The following KATNIP variants were observed in gnomAD, a reference collection of about 807,000 sequenced individuals.
The protein encoded by KATNIP is katanin-interacting protein.
Under a neutral mutation model 174.0 loss-of-function variants are expected in KATNIP, and 126 were observed. The observed-to-expected ratio is 0.72, with a 90% CI of 0.63 to 0.84. KATNIP has a LOEUF of 0.84. Ranked by LOEUF, KATNIP falls within the 40% of genes least tolerant of loss-of-function variation. KATNIP has a pLI of 0.00. For synonymous variants in KATNIP, 810 were observed against 835.7 expected, an observed-to-expected ratio of 0.97 and a Z score of 0.53; for missense variants, 1,958 against 2,109.7, an observed-to-expected ratio of 0.93 and a Z score of 1.41.
chr16:27,601,608 G>A (rs1451168693), intron 2 of KATNIP, among the ~76,000 whole-genome samples: 2 of 152,120 alleles, frequency 1.3e-5, no homozygotes, highest in African/African-American at 2.4e-5. Flanking sequence ...GAGCCACTGC[G>A]CCCGGCCGGC....
chr16:27,694,363 GA>G (rs1187734514), intron 8 of KATNIP, among the ~76,000 whole-genome samples: 1 of 152,144 alleles, frequency 6.6e-6, no homozygotes, highest in African/African-American at 2.4e-5. Context: ...CTGTTTTTCA[GA>G]AAGCCTTGTA....
intron 16 of KATNIP, 149 bp from the exon 17 acceptor site, chr16:27,751,570 C>A: frequency 1.5e-6 from 1 of 656,080 alleles, no homozygotes; most frequent in Non-Finnish European, 2.6e-6. Context: ...ATTTGCAAAT[C>A]TGTGAAGACT....
intron 8 of KATNIP, among the ~76,000 whole-genome samples, chr16:27,686,482 A>C (rs2078529012): frequency 6.6e-6 from 1 of 152,016 alleles, no homozygotes; most frequent in South Asian, 2.1e-4. Context: ...CTTTATATTA[A>C]GGTTTGTCTC....
rs142500078 is a variant in KATNIP at position 27,666,638 on chromosome 16, G to A, written c.541-11091G>A. Among the ~76,000 whole-genome samples, 395 of 152,224 alleles carry A rather than the reference G, an allele frequency of 2.6e-3. 2 individuals carry two copies. The highest frequency in any genetic ancestry group is 8.8e-3 in the African/African-American group (366 of 41,516). On this transcript the variant is annotated intron_variant, in intron 6 of 27. Coordinates refer to ENST00000261588, the MANE Select transcript of KATNIP (RefSeq NM_015202.5). Reference sequence around the variant, plus strand: ...TCACCATGTTGACCAGGCTGGTCTCGAACTCCTGACCTCAAGTGACTTCGG... The same window carrying A: ...TCACCATGTTGACCAGGCTGGTCTCAAACTCCTGACCTCAAGTGACTTCGG...
At chr16:27,750,417 T>TTA in intron 16 of KATNIP, 111 bp downstream of exon 16, 30 of 1,111,526 alleles carry the variant, frequency 2.7e-5, no homozygotes, top group Non-Finnish European at 3.7e-5. Flanking sequence ...TCCTTTCTCT[T>TTA]TCTTTTTTTT....
intron 15 of KATNIP, among the ~76,000 whole-genome samples, chr16:27,746,603 C>T (rs1344766289): frequency 6.6e-6 from 1 of 152,228 alleles, no homozygotes; most frequent in Non-Finnish European, 1.5e-5. Context: ...CGCACTGGGA[C>T]ACCTCCAGGA....
chr16:27,684,497 A>G (rs2078454226), intron 8 of KATNIP, among the ~76,000 whole-genome samples: 1 of 152,162 alleles, frequency 6.6e-6, no homozygotes, highest in Admixed American at 6.5e-5. Flanking sequence ...GCTCATCAAT[A>G]TATATATATT....
At position 27,775,094 on chromosome 16, in the gene KATNIP, C is replaced by T. The variant is rs1395499167; in HGVS notation, c.4449+10C>T. 6.2e-6 allele frequency: 10 copies of T among 1,609,256 alleles called. No homozygotes were observed. Among genetic ancestry groups the T allele is most frequent in the South Asian group, 4.4e-5 (4 of 90,792 alleles). ...CATCCTGCCGGGCCTGGTGGGTTCCCGGCAGCGGCCACCGCAGCTCCTGGC... is the reference window on the plus strand; with the variant it reads ...CATCCTGCCGGGCCTGGTGGGTTCCTGGCAGCGGCCACCGCAGCTCCTGGC... On this transcript the variant is annotated intron_variant, in intron 24 of 27. Coordinates refer to ENST00000261588, the MANE Select transcript of KATNIP (RefSeq NM_015202.5).
chr16:27,729,359 G>A (rs1366068308), intron 14 of KATNIP, among the ~76,000 whole-genome samples: 1 of 152,150 alleles, frequency 6.6e-6, no homozygotes, highest in African/African-American at 2.4e-5. Flanking sequence ...GCAATCTAGC[G>A]CCCATTATTG....
intron 1 of KATNIP, among the ~76,000 whole-genome samples, chr16:27,551,019 C>T (rs2089336544): frequency 6.6e-6 from 1 of 152,192 alleles, no homozygotes; most frequent in Non-Finnish European, 1.5e-5. Flanking sequence ...GCTGATTGTC[C>T]TCTTGGGGTA....
At chr16:27,722,071 T>G (rs1028515103) in intron 14 of KATNIP, among the ~76,000 whole-genome samples, 1 of 152,230 alleles carries the variant, frequency 6.6e-6, no homozygotes, top group Non-Finnish European at 1.5e-5. Context: ...TCTCTTAGCC[T>G]TCACTTCTCA....
At chr16:27,633,117 A>G (rs1186017282) in intron 5 of KATNIP, among the ~76,000 whole-genome samples, 2 of 152,180 alleles carry the variant, frequency 1.3e-5, no homozygotes, top group African/African-American at 2.4e-5. Context: ...GGGAGGGGAT[A>G]TAATGAGGCA....
intron 1 of KATNIP, among the ~76,000 whole-genome samples, chr16:27,558,229 T>C (rs1162090706): frequency 6.6e-6 from 1 of 152,216 alleles, no homozygotes; most frequent in Non-Finnish European, 1.5e-5. Flanking sequence ...CACTACAGCC[T>C]CTGCCTCCTG....
intron 2 of KATNIP, among the ~76,000 whole-genome samples, chr16:27,586,975 C>T (rs1288946930): frequency 9.3e-5 from 14 of 150,430 alleles, no homozygotes; most frequent in African/African-American, 2.7e-4. Context: ...ATTGTTTGGG[C>T]CACTCGTGCT....
chr16:27,743,488 G>A (rs903495893), intron 15 of KATNIP, among the ~76,000 whole-genome samples: 2 of 152,092 alleles, frequency 1.3e-5, no homozygotes, highest in South Asian at 4.1e-4. Flanking sequence ...TTAACACTGA[G>A]GCTCAGTCAG....
At chr16:27,710,413 G>A (rs2079522158) in intron 13 of KATNIP, among the ~76,000 whole-genome samples, 1 of 152,152 alleles carries the variant, frequency 6.6e-6, no homozygotes, top group Non-Finnish European at 1.5e-5. Context: ...GAGGGTACTG[G>A]CATTTTTTCC....
At chr16:27,576,347 A>G (rs1050053651) in intron 2 of KATNIP, among the ~76,000 whole-genome samples, 1 of 152,162 alleles carries the variant, frequency 6.6e-6, no homozygotes, top group African/African-American at 2.4e-5. Context: ...CCCAGGCTTA[A>G]CCTGGAAAGA....
At chr16:27,674,065 C>T (rs919173616) in intron 6 of KATNIP, among the ~76,000 whole-genome samples, 6 of 152,188 alleles carry the variant, frequency 3.9e-5, no homozygotes, top group Non-Finnish European at 8.8e-5. Flanking sequence ...GTGGGAGGCT[C>T]ACTCGAGCCT....
intron 2 of KATNIP, among the ~76,000 whole-genome samples, chr16:27,580,488 G>C (rs1418164053): frequency 6.6e-6 from 1 of 152,166 alleles, no homozygotes; most frequent in Non-Finnish European, 1.5e-5. Flanking sequence ...AGAGAGTCTG[G>C]CCTGGCTAAT....
Sources: gnomAD v4.1 joint callset for allele counts (sites outside exome capture counted in the v4.1 genomes callset) on GRCh38, gnomAD v4.1.1 for gene constraint, MANE v1.5 for transcripts, NCBI Gene and HGNC (gene_info 2026-07-23, HGNC 2026-07-21) for gene names.